CAPN3: variants seen among roughly 807,000 people sequenced by gnomAD.
CAPN3 encodes calpain-3.
CAPN3 carries 88 observed loss-of-function variants against 114.0 expected under a neutral mutation model. The ratio of observed to expected loss-of-function variants is 0.77; its 90% CI spans 0.65 to 0.92. CAPN3 has a LOEUF of 0.92. Ranked by LOEUF, CAPN3 falls within the 40% of genes least tolerant of loss-of-function variation. The pLI, the probability that CAPN3 is intolerant of heterozygous loss-of-function variation, is 0.00. For missense variants in CAPN3, 1,028 were observed against 1,069.0 expected, an observed-to-expected ratio of 0.96 and a Z score of 0.53; for synonymous variants, 386 against 382.9, an observed-to-expected ratio of 1.01 and a Z score of -0.09.
In CAPN3 at chr15:42,404,777, G is replaced by T. The variant is rs570707926; in HGVS notation, c.1782+1000G>T. On this transcript the variant is annotated intron_variant, in intron 14 of 23. Coordinates refer to ENST00000397163, the MANE Select transcript of CAPN3 (RefSeq NM_000070.3). ...TGTCTTCTGGGCAGTGACAGTCATG[G>T]TCATAATCCTGACCCTGAGCCAGTG... 1,015 of 1,112,620 alleles carry T rather than the reference G, an allele frequency of 9.1e-4. 18 individuals carry two copies. The South Asian group carries it at 0.022, about 24-fold the overall frequency. 68.9% of individuals were successfully genotyped at this position (1,112,620 alleles called of 1,614,324 possible). A position where few individuals can be genotyped will look rare whatever the true frequency, so the allele number is the denominator to read the frequency against.
At chr15:42,400,003 C>T (rs1251997775) in intron 10 of CAPN3, among the ~76,000 whole-genome samples, 3 of 152,226 alleles carry the variant, frequency 2.0e-5, no homozygotes, top group African/African-American at 7.2e-5. Flanking sequence ...ATGCTCGGAA[C>T]ACTGACCTTA....
intron 2 of CAPN3, 94 bp from the exon 3 acceptor site, chr15:42,386,073 G>A (rs546481154): frequency 3.1e-5 from 27 of 876,914 alleles, no homozygotes; most frequent in Non-Finnish European, 3.9e-5. Context: ...GGGAGTCCCC[G>A]TTCAGGGAAG....
At chr15:42,409,512 C>A (rs975561344) in intron 17 of CAPN3, 132 bp downstream of exon 17, 1 of 952,832 alleles carries the variant, frequency 1.0e-6, no homozygotes, top group Non-Finnish European at 1.7e-6. Flanking sequence ...GGGATGTGTG[C>A]GTAGCACACA....
intron 7 of CAPN3, among the ~76,000 whole-genome samples, chr15:42,393,592 TTTC>T (rs1465999443): frequency 2.0e-3 from 264 of 134,820 alleles, no homozygotes; most frequent in African/African-American, 7.8e-3. Context: ...TCTTTCTTTC[TTTC>T]TTTTTTTTTT....
chr15:42,366,174 G>A (rs2052771023), intron 1 of CAPN3, among the ~76,000 whole-genome samples: 1 of 152,178 alleles, frequency 6.6e-6, no homozygotes, highest in Admixed American at 6.5e-5. Context: ...ATTGTGAAAT[G>A]TAAAACGTGA....
At position 42,408,314 on chromosome 15, in the gene CAPN3, A is replaced by C. The variant is rs2054087100; in HGVS notation, c.1904A>C (p.Gln635Pro). ...KGKTSPDKQK[Q>P]SPQPQPGSSD... is the part of the protein sequence containing the mutation. ...AAAACAAGCCCTGATAAGCAAAAGC[A>C]GTCCCCACAGGTGTCTGGGCATGTG... The change falls in exon 16 of 24, where the codon CAG (glutamine) becomes CCG (proline). Residue 635 changes from glutamine to proline, a missense_variant. Physicochemically the swap from Gln to Pro is moderately conservative, Grantham distance 76. Transcript: ENST00000397163. 6.2e-7 allele frequency: 1 copy of C among 1,610,592 alleles called. No homozygotes were observed. The highest frequency in any genetic ancestry group is 1.1e-5 in the South Asian group (1 of 91,014).
At position 42,411,334 on chromosome 15, in the gene CAPN3, A is replaced by G; in HGVS notation, c.2428A>G (p.Asn810Asp). 6.2e-7 allele frequency: 1 copy of G among 1,614,038 alleles called. No homozygotes were observed. The highest frequency in any genetic ancestry group is 8.5e-7 in the Non-Finnish European group (1 of 1,179,938). ...GGATGGAGATGGTATCATCAAGCTCAACGTTCTGGAGGTAAAGCATAGGCA... is the reference window on the plus strand; with the variant it reads ...GGATGGAGATGGTATCATCAAGCTCGACGTTCTGGAGGTAAAGCATAGGCA... ...DKDGDGIIKLNVLEWLQLTMY... is the reference protein window; with the variant it reads ...DKDGDGIIKLDVLEWLQLTMY... The change falls in exon 23 of 24, where the codon AAC (asparagine) becomes GAC (aspartate). Residue 810 changes from asparagine (N) to aspartate (D), a missense_variant. Physicochemically the swap from Asn to Asp is conservative, Grantham distance 23. Transcript: ENST00000397163.
chr15:42,390,214 C>T, intron 6 of CAPN3, 118 bp downstream of exon 6: 1 of 1,145,894 alleles, frequency 8.7e-7, no homozygotes, highest in Non-Finnish European at 1.3e-6. Flanking sequence ...CACCTGGCAC[C>T]TCCCAAGGGT....
chr15:42,412,222 G>T lies in CAPN3; in HGVS notation c.*449G>T. The T allele has an allele frequency of 1.3e-6, 2 of 1,528,420 alleles. No homozygotes were observed. The highest frequency in any genetic ancestry group is 1.8e-6 in the Non-Finnish European group (2 of 1,140,306). The allele number at this position is 1,528,420 out of a possible 1,614,324, so 94.7% of individuals were successfully genotyped here. ...TACTGCTGTGGGGTAAACTAACTCA[G>T]TGGAATAGGGCTGGTTACTTTGGGC... On this transcript the variant is annotated 3_prime_UTR_variant, in exon 24 of 24. Transcript: ENST00000397163.
chr15:42,400,135 G>T (rs571730434), intron 10 of CAPN3, among the ~76,000 whole-genome samples: 128 of 152,264 alleles, frequency 8.4e-4, no homozygotes, highest in African/African-American at 2.9e-3. Flanking sequence ...ACGGGTACTC[G>T]AAATCCAGTT....
At position 42,399,546 on chromosome 15, in the gene CAPN3, C is replaced by G. The variant is rs1408467756; in HGVS notation, c.1248C>G (p.Leu416=). ...TCACAAAGTTGGAGATCTGCAACCTCACGGCCGATGCTCTGCAGTCTGACA... is the reference window on the plus strand; with the variant it reads ...TCACAAAGTTGGAGATCTGCAACCTGACGGCCGATGCTCTGCAGTCTGACA... ...YHFTKLEICN[L]TADALQSDKL... The change falls in exon 10 of 24, where the codon CTC becomes CTG. Residue 416 remains leucine, a synonymous_variant. Transcript: ENST00000397163. The G allele has an allele frequency of 1.2e-6, 2 of 1,613,662 alleles. No homozygotes were observed. Among genetic ancestry groups the G allele is most frequent in the African/African-American group, 1.3e-5 (1 of 74,888 alleles).
intron 1 of CAPN3, among the ~76,000 whole-genome samples, chr15:42,366,828 C>CTTTTTTTTTTTTTTTT (rs545010219): frequency 1.6e-5 from 2 of 127,852 alleles, no homozygotes; most frequent in African/African-American, 3.4e-5. Context: ...TCTTTTTTTT[C>CTTTTTTTTTTTTTTTT]TTTTTTTTTT....
Position 42,396,788 on chromosome 15 carries a change from T to G in CAPN3, c.1116-12T>G. 1 of 1,609,436 alleles carries G rather than the reference T, an allele frequency of 6.2e-7. No homozygotes were observed. Among genetic ancestry groups the G allele is most frequent in the Non-Finnish European group, 8.5e-7 (1 of 1,175,840 alleles). ...TCTTCCTGCTTCCTTAATTCCTCCA[T>G]TTTCCCACCAGATGGAAGGACTGGA... On this transcript the variant is annotated splice_polypyrimidine_tract_variant and intron_variant, in intron 8 of 23. Transcript: ENST00000397163.
intron 2 of CAPN3, chr15:42,385,730 TTGG>T (rs758189360): frequency 1.9e-6 from 1 of 521,400 alleles, no homozygotes; most frequent in Non-Finnish European, 3.8e-6. Flanking sequence ...ACAAATCATC[TTGG>T]TGGATGGTTC....
At chr15:42,397,384 G>A (rs1054841259) in intron 9 of CAPN3, among the ~76,000 whole-genome samples, 6 of 152,218 alleles carry the variant, frequency 3.9e-5, no homozygotes, top group African/African-American at 1.2e-4. Flanking sequence ...GCTCACGCCT[G>A]TAATCCCAGC....
chr15:42,384,677 A>G (rs558806434), intron 2 of CAPN3, 125 bp downstream of exon 2: 33 of 753,830 alleles, frequency 4.4e-5, no homozygotes, highest in Middle Eastern at 2.3e-4. Context: ...AAGATTTTTT[A>G]TAACAGTTGC....
At chr15:42,403,614 TC>T in intron 13 of CAPN3, 126 bp from the exon 14 acceptor site, 1 of 860,086 alleles carries the variant, frequency 1.2e-6, no homozygotes, top group Non-Finnish European at 2.0e-6. Context: ...GTTGGGGTGT[TC>T]CAGGGGTTCT....
chr15:42,369,170 G>A (rs1368496261), intron 1 of CAPN3, among the ~76,000 whole-genome samples: 1 of 152,142 alleles, frequency 6.6e-6, no homozygotes, highest in African/African-American at 2.4e-5. Flanking sequence ...CTGGTTGGAG[G>A]GGAGGTTATC....
chr15:42,366,836 TTTTC>T (rs1022307666), intron 1 of CAPN3, among the ~76,000 whole-genome samples: 14 of 143,302 alleles, frequency 9.8e-5, no homozygotes, highest in South Asian at 4.5e-4. Flanking sequence ...TTCTTTTTTT[TTTTC>T]TTTTTTTTTT....
Sources: allele counts gnomAD v4.1 joint callset (sites outside exome capture counted in the v4.1 genomes callset), GRCh38; gene constraint gnomAD v4.1.1; transcripts MANE v1.5; gene names NCBI Gene and HGNC (gene_info 2026-07-23, HGNC 2026-07-21).